KCNN1: variants seen among roughly 807,000 people sequenced by gnomAD.
KCNN1 encodes the protein small conductance calcium-activated potassium channel protein 1.
A neutral mutation model predicts 44.7 loss-of-function variants in KCNN1; 20 were observed. The ratio of observed to expected loss-of-function variants is 0.45; its 90% confidence interval spans 0.32 to 0.65. The LOEUF (loss-of-function observed/expected upper bound fraction) is 0.65. Ranked by LOEUF, KCNN1 falls within the 30% of genes least tolerant of loss-of-function variation. The pLI is 0.05. For missense variants in KCNN1, 632 were observed against 785.3 expected (o/e 0.80, Z 2.33); for synonymous variants, 324 against 341.7 (o/e 0.95, Z 0.57).
chr19:17,970,349 A>C (rs1768418074), intron 1 of KCNN1, among the ~76,000 whole-genome samples: 1 of 102,452 alleles, frequency 9.8e-6, no homozygotes, highest in Non-Finnish European at 1.8e-5. Flanking sequence ...ACAGGGTCTC[A>C]CTCTGTTATC....
At chr19:17,961,310 T>C (rs1305888454) in intron 2 of KCNN1, among the ~76,000 whole-genome samples, 1 of 151,794 alleles carries the variant, frequency 6.6e-6, no homozygotes, top group Non-Finnish European at 1.5e-5. Flanking sequence ...GGCACAGTGG[T>C]TCACGCTTAT....
chr19:17,993,625 C>T lies in KCNN1; in HGVS notation c.1377+66C>T. ...GGGCCCCGGAGCAGATGGGATGGGG[C>T]TCAGCTCCTGCCGGAGGAGGGCACA... On this transcript the variant is annotated intron_variant, in intron 9 of 9. Transcript: ENST00000684775. The surrounding 1 kb of genome is among the most constrained non-coding windows in gnomAD (Gnocchi z 4.5). The T allele has an allele frequency of 7.6e-7, 1 of 1,323,294 alleles. No homozygotes were observed. Among genetic ancestry groups the T allele is most frequent in the South Asian group, 1.2e-5 (1 of 84,296 alleles). 82.0% of individuals were successfully genotyped at this position (1,323,294 alleles called of 1,614,324 possible). A position where few individuals can be genotyped will look rare whatever the true frequency, so the allele number is the denominator to read the frequency against.
intron 1 of KCNN1, among the ~76,000 whole-genome samples, chr19:17,968,118 T>C (rs969581114): frequency 5.0e-4 from 75 of 151,224 alleles, no homozygotes; most frequent in Admixed American, 3.3e-4. Flanking sequence ...AGGGGGATCC[T>C]CGGAGACCTT....
rs1163045398 is a variant in KCNN1, at chr19:17,967,121, C to T, written c.-278C>T. On this transcript the variant is annotated 5_prime_UTR_variant, in exon 1 of 10. Coordinates refer to ENST00000684775, the MANE Select transcript of KCNN1 (RefSeq NM_001386974.1). ...CCGGCCCGGGCGGGCGCTCGCCCCC[C>T]GCCGGGCCCGTGGACTGGGCGGCGG... 1.0e-6 allele frequency: 1 copy of T among 978,306 alleles called. No individual in the cohort carries two copies. The allele number at this position is 978,306 out of a possible 1,614,324, so 60.6% of individuals were successfully genotyped here.
chr19:17,985,514 G>A, intron 5 of KCNN1, 61 bp downstream of exon 5: 1 of 1,453,840 alleles, frequency 6.9e-7, no homozygotes, highest in Non-Finnish European at 9.3e-7. Context: ...CGCTCCACCA[G>A]CCCTTGCATA....
In KCNN1 at chr19:17,958,455, T is replaced by C. The variant is rs555648973; in HGVS notation, c.-82+3774T>C. ...ACTGCACCACTGCACTCCAAACTGC[T>C]GCGAGACAACAGGAGACCCTGTCTC... On this transcript the variant is annotated intron_variant, in intron 2 of 10. Coordinates refer to the KCNN1 transcript ENST00000222249. Among the ~76,000 whole-genome samples, 6 of 149,184 alleles carry C rather than the reference T, an allele frequency of 4.0e-5. 1 individual carries two copies. In the East Asian group the frequency reaches 1.2e-3, roughly 30 times the overall value.
upstream of KCNN1, among the ~76,000 whole-genome samples, chr19:17,963,498 TAG>T (rs927626205): frequency 4.6e-5 from 7 of 151,986 alleles, no homozygotes; most frequent in African/African-American, 1.7e-4. Flanking sequence ...GTATTTTTGG[TAG>T]AGACAGGGTT....
chr19:17,983,279 G>T lies in KCNN1; in HGVS notation c.917+1152G>T, dbSNP rs534804022. The stretch of plus-strand genomic sequence containing the variant: ...CTGGGAGAGGGTCTCCCTGCCATGC[G>T]CCTAGCTGGTGGAGGCCCTGGAGGG... On this transcript the variant is annotated intron_variant, in intron 4 of 9. Transcript: ENST00000684775. This position sits in a 1 kb window ranked among gnomAD's most constrained non-coding sequence, Gnocchi z 4.5. 2.0e-5 allele frequency among the ~76,000 whole-genome samples: 3 copies of T among 152,112 alleles called. No homozygotes were observed. The highest frequency in any genetic ancestry group is 2.9e-5 in the Non-Finnish European group (2 of 67,986).
rs930882018 is a variant in KCNN1 at position 17,974,667 on chromosome 19, G to A, written c.402+377G>A. On this transcript the variant is annotated intron_variant, in intron 2 of 9. Coordinates refer to ENST00000684775, the MANE Select transcript of KCNN1 (RefSeq NM_001386974.1). The surrounding 1 kb of genome is among the most constrained non-coding windows in gnomAD (Gnocchi z 7.3). ...CAAGCCTGGCTGTGGGTTCCCTCAT[G>A]CCACCTAGAATGTGTGAGGATGGAG... Among the ~76,000 whole-genome samples, 9 of 152,176 alleles carry A rather than the reference G, an allele frequency of 5.9e-5. No individual in the cohort carries two copies. Among genetic ancestry groups the A allele is most frequent in the Non-Finnish European group, 1.2e-4 (8 of 68,026 alleles).
At chr19:17,986,671 T>C (rs959697474) in intron 5 of KCNN1, among the ~76,000 whole-genome samples, 47 of 152,354 alleles carry the variant, frequency 3.1e-4, no homozygotes, top group African/African-American at 9.4e-4. Flanking sequence ...TTTATTTTTA[T>C]GTTTTTATAA....
intron 6 of KCNN1, among the ~76,000 whole-genome samples, chr19:17,989,481 C>T (rs191377003): frequency 6.6e-6 from 1 of 152,106 alleles, no homozygotes; most frequent in East Asian, 1.9e-4. Flanking sequence ...AAACAAAAAA[C>T]ATTAAAAACA....
intron 2 of KCNN1, among the ~76,000 whole-genome samples, chr19:17,962,013 C>T (rs2031693651): frequency 6.6e-6 from 1 of 152,194 alleles, no homozygotes; most frequent in African/African-American, 2.4e-5. Context: ...ACCTTTGCTC[C>T]TCTATGGAGC....
rs1198433484 is a variant in KCNN1 at position 17,974,943 on chromosome 19, T to G, written c.403-149T>G. ...CACAGCAGCCCCAGGACTGGGGAAC[T>G]AGCAGAAATTCAGGGTACAGTGGGA... is the stretch of plus-strand genomic sequence containing the variant. On this transcript the variant is annotated intron_variant, in intron 2 of 9. Coordinates refer to ENST00000684775, the MANE Select transcript of KCNN1 (RefSeq NM_001386974.1). This position sits in a 1 kb window ranked among gnomAD's most constrained non-coding sequence, Gnocchi z 7.3. 1 of 637,464 alleles carries G rather than the reference T, an allele frequency of 1.6e-6. No individual in the cohort carries two copies. Among genetic ancestry groups the G allele is most frequent in the African/African-American group, 1.8e-5 (1 of 55,094 alleles). The allele number at this position is 637,464 out of a possible 1,614,324, so 39.5% of individuals were successfully genotyped here.
intron 1 of KCNN1, among the ~76,000 whole-genome samples, chr19:17,969,510 CT>C (rs899222306): frequency 2.0e-5 from 3 of 152,160 alleles, no homozygotes; most frequent in Admixed American, 1.3e-4. Context: ...CCCTCCACCC[CT>C]CCACCCTCTT....
At chr19:17,980,110 C>A (rs1479845097) in intron 3 of KCNN1, among the ~76,000 whole-genome samples, 1 of 149,942 alleles carries the variant, frequency 6.7e-6, no homozygotes, top group East Asian at 1.9e-4. Flanking sequence ...GTTGCCCAGG[C>A]TGGAGTGCAG....
intron 3 of KCNN1, among the ~76,000 whole-genome samples, chr19:17,981,200 G>A (rs1032663558): frequency 2.0e-5 from 3 of 151,856 alleles, no homozygotes; most frequent in Non-Finnish European, 2.9e-5. Flanking sequence ...AACCAGGATT[G>A]CGCCACTGCA....
chr19:17,975,183 T>C lies in KCNN1; in HGVS notation c.494T>C (p.Ile165Thr). Reference protein sequence around the residue: ...GLVVLYHAREIQLFMVDNGAD... With the variant: ...GLVVLYHARETQLFMVDNGAD... ...GTTGTCCTCTACCATGCCCGGGAGA[T>C]CCAGGTCAGTGCTGAATACTGCAGG... is the stretch of plus-strand genomic sequence containing the variant. The change falls in exon 3 of 10, where the codon ATC becomes ACC. Residue 165 changes from isoleucine to threonine, a missense_variant. This residue lies in a region of KCNN1 where 160 missense variants were observed against 308.3 expected (regional missense o/e 0.52). Coordinates refer to ENST00000684775, the MANE Select transcript of KCNN1 (RefSeq NM_001386974.1). 1 of 1,612,834 alleles carries C rather than the reference T, an allele frequency of 6.2e-7. No individual in the cohort carries two copies. Among genetic ancestry groups the C allele is most frequent in the Non-Finnish European group, 8.5e-7 (1 of 1,178,922 alleles).
chr19:17,979,256 ACC>A (rs1225601238), intron 3 of KCNN1, among the ~76,000 whole-genome samples: 1 of 150,368 alleles, frequency 6.7e-6, no homozygotes, highest in East Asian at 2.0e-4. Context: ...ACACGGTGAA[ACC>A]CCGTCTCTAC....
intron 1 of KCNN1, among the ~76,000 whole-genome samples, chr19:17,952,781 C>T (rs1025716240): frequency 6.6e-6 from 1 of 152,158 alleles, no homozygotes; most frequent in African/African-American, 2.4e-5. Flanking sequence ...GAACCCCCCA[C>T]CTGCCAGCCT....
Sources: allele counts gnomAD v4.1 joint callset (sites outside exome capture counted in the v4.1 genomes callset), GRCh38; gene constraint gnomAD v4.1.1; regional missense constraint gnomAD v4.1.1; non-coding constraint Gnocchi (gnomAD v3.1); transcripts MANE v1.5; gene names NCBI Gene and HGNC (gene_info 2026-07-23, HGNC 2026-07-21).